Variants in CFAP57 observed in about 807,000 individuals in gnomAD.
The protein encoded by CFAP57 is cilia- and flagella-associated protein 57.
A neutral mutation model predicts 146.8 loss-of-function variants in CFAP57; 116 were observed. The observed-to-expected ratio is 0.79, with a 90% CI of 0.68 to 0.92. The LOEUF is 0.92. Among genes scored for constraint, CFAP57 ranks in the 40% least tolerant of loss-of-function variants. The probability of loss-of-function intolerance (pLI) is 0.00; values close to 1 mark genes in which losing one functional copy is unlikely to be tolerated. For missense variants in CFAP57, 1,377 were observed against 1,527.2 expected (o/e 0.90, Z 1.64); for synonymous variants, 518 against 552.8 (o/e 0.94, Z 0.88).
intron 11 of CFAP57, among the ~76,000 whole-genome samples, chr1:43,214,043 G>A (rs770624031): frequency 1.3e-4 from 20 of 151,766 alleles, no homozygotes; most frequent in Non-Finnish European, 2.5e-4. Context: ...CTGCCACCAC[G>A]CCCAGCTAAT....
intron 6 of CFAP57, among the ~76,000 whole-genome samples, chr1:43,191,308 C>T (rs1318589037): frequency 6.6e-6 from 1 of 152,108 alleles, no homozygotes; most frequent in Non-Finnish European, 1.5e-5. Flanking sequence ...CCTCTTTTGG[C>T]CGGGCGTGGT....
intron 6 of CFAP57, among the ~76,000 whole-genome samples, chr1:43,192,264 G>T (rs549920401): frequency 6.6e-6 from 1 of 152,172 alleles, no homozygotes. Context: ...TTGGTTTTTA[G>T]TGTTGTTCAG....
chr1:43,173,247 C>T (rs1645046034), intron 2 of CFAP57, among the ~76,000 whole-genome samples: 1 of 152,184 alleles, frequency 6.6e-6, no homozygotes, highest in African/African-American at 2.4e-5. Context: ...TTTTCCTGAG[C>T]ACACCACCTT....
chr1:43,181,215 G>A (rs975143128), intron 2 of CFAP57, among the ~76,000 whole-genome samples: 1 of 152,098 alleles, frequency 6.6e-6, no homozygotes, highest in Non-Finnish European at 1.5e-5. Context: ...GGGATTACAG[G>A]TGCCTGCCAC....
At chr1:43,240,245 T>G (rs1381987692) in intron 21 of CFAP57, among the ~76,000 whole-genome samples, 6 of 150,426 alleles carry the variant, frequency 4.0e-5, no homozygotes, top group Non-Finnish European at 5.9e-5. Context: ...GGGGCACTCC[T>G]GGGCAGCAGC....
chr1:43,217,074 A>G (rs1326786132), intron 12 of CFAP57, among the ~76,000 whole-genome samples: 1 of 152,190 alleles, frequency 6.6e-6, no homozygotes, highest in Non-Finnish European at 1.5e-5. Flanking sequence ...TCCAGGACAA[A>G]TGGACAAGGG....
At chr1:43,219,638 T>C (rs1644968272) in intron 13 of CFAP57, 101 bp downstream of exon 13, 3 of 1,375,356 alleles carry the variant, frequency 2.2e-6, no homozygotes, top group Non-Finnish European at 3.0e-6. Flanking sequence ...AACAGTAAGA[T>C]ATGTGAAAAT....
Position 43,224,204 on chromosome 1 carries a change from G to A in CFAP57, c.2865G>A (p.Lys955=). The A allele has an allele frequency of 6.5e-7, 1 of 1,532,610 alleles. No homozygotes were observed. 94.9% of individuals were successfully genotyped at this position (1,532,610 alleles called of 1,614,324 possible). Residue 955 remains lysine, a splice_region_variant and synonymous_variant, in exon 17 of 23, where the codon AAG becomes AAA. Transcript: ENST00000372492. The part of the protein sequence containing the change: ...IQERDETIQD[K]EKRIYDLKKK... ...AAAGAGACGAGACTATTCAAGACAA[G>A]GTGCAGCTCTCCTTCTGTCCTCCCT... is the stretch of plus-strand genomic sequence containing the variant.
chr1:43,217,830 C>T (rs967860016), intron 12 of CFAP57, among the ~76,000 whole-genome samples: 4 of 152,150 alleles, frequency 2.6e-5, no homozygotes, highest in Non-Finnish European at 5.9e-5. Context: ...TGATCGGGTT[C>T]GATGAGGACC....
chr1:43,191,885 CAGA>C (rs1413417938), intron 6 of CFAP57, among the ~76,000 whole-genome samples: 1 of 151,220 alleles, frequency 6.6e-6, no homozygotes, highest in Non-Finnish European at 1.5e-5. Context: ...TATTTGCAGC[CAGA>C]AAAAAACTCC....
At chr1:43,184,977 A>C in intron 4 of CFAP57, 172 bp from the exon 5 acceptor site, 1 of 687,270 alleles carries the variant, frequency 1.5e-6, no homozygotes, top group Non-Finnish European at 2.6e-6. Flanking sequence ...AGGCTTGGCC[A>C]TGTGCAGTTT....
chr1:43,226,600 G>C (rs758520062), intron 17 of CFAP57, among the ~76,000 whole-genome samples: 1 of 152,232 alleles, frequency 6.6e-6, no homozygotes, highest in Non-Finnish European at 1.5e-5. Flanking sequence ...TTTGGGTTAC[G>C]AACAAGTCAC....
At chr1:43,236,918 A>C (rs1645727792) in intron 21 of CFAP57, among the ~76,000 whole-genome samples, 1 of 151,194 alleles carries the variant, frequency 6.6e-6, no homozygotes, top group Non-Finnish European at 1.5e-5. Context: ...CCCCCCAAAA[A>C]AAAAAGGCAA....
intron 9 of CFAP57, 71 bp downstream of exon 9, chr1:43,199,574 A>T: frequency 1.5e-6 from 2 of 1,362,902 alleles, no homozygotes; most frequent in Non-Finnish European, 2.1e-6. Flanking sequence ...AGTGGGATAC[A>T]GGTGAACAAA....
At chr1:43,202,665 C>G (rs1343236359) in intron 9 of CFAP57, among the ~76,000 whole-genome samples, 1 of 151,902 alleles carries the variant, frequency 6.6e-6, no homozygotes, top group Non-Finnish European at 1.5e-5. Context: ...CACCTGTAAT[C>G]CCAGCTACTC....
chr1:43,227,052 A>G lies in CFAP57; in HGVS notation c.2935A>G (p.Lys979Glu), dbSNP rs1310003841. The change falls in exon 18 of 23, where the codon AAA (lysine) becomes GAA (glutamate). Residue 979 changes from lysine (K) to glutamate (E), a missense_variant. Transcript: ENST00000372492. Reference sequence around the variant, plus strand: ...GAAATTCAAGTTTGTGCTTGACTACAAAATAAAGGAGCTGAAGAAGCAAAT... The same window carrying G: ...GAAATTCAAGTTTGTGCTTGACTACGAAATAAAGGAGCTGAAGAAGCAAAT... ...LGKFKFVLDYKIKELKKQIEP... is the reference protein window; with the variant it reads ...LGKFKFVLDYEIKELKKQIEP... The G allele has an allele frequency of 8.4e-6, 13 of 1,543,472 alleles. No individual in the cohort carries two copies. In the African/African-American group the frequency reaches 1.8e-4, roughly 21 times the overall value.
intron 6 of CFAP57, among the ~76,000 whole-genome samples, chr1:43,188,488 G>A (rs565751358): frequency 6.6e-6 from 1 of 152,172 alleles, no homozygotes; most frequent in South Asian, 2.1e-4. Context: ...GGTAAGAAGT[G>A]GTATCTCATT....
chr1:43,212,541 G>A (rs1644660201), intron 11 of CFAP57, among the ~76,000 whole-genome samples: 1 of 152,172 alleles, frequency 6.6e-6, no homozygotes, highest in Admixed American at 6.5e-5. Flanking sequence ...ATTTCTGTGT[G>A]TTGGGAGCAT....
intron 18 of CFAP57, 133 bp from the exon 19 acceptor site, chr1:43,232,375 G>A (rs1015168313): frequency 1.0e-5 from 7 of 690,134 alleles, no homozygotes; most frequent in Admixed American, 2.4e-5. Flanking sequence ...TGATCCAGAG[G>A]ACACAGAAGG....
Sources: gnomAD v4.1 joint callset for allele counts (sites outside exome capture counted in the v4.1 genomes callset) on GRCh38, gnomAD v4.1.1 for gene constraint, MANE v1.5 for transcripts, NCBI Gene and HGNC (gene_info 2026-07-23, HGNC 2026-07-21) for gene names.